Variants in RBFOX1 observed in about 807,000 individuals in gnomAD.
RBFOX1 encodes the protein RNA binding fox-1 homolog 1.
A neutral mutation model predicts 57.7 loss-of-function variants in RBFOX1; 8 were observed. The observed-to-expected ratio is 0.14, with a 90% CI of 0.08 to 0.25. The LOEUF is 0.25. Among genes scored for constraint, RBFOX1 ranks in the 10% least tolerant of loss-of-function variants. The pLI is 1.00. For synonymous variants in RBFOX1, 326 were observed against 222.4 expected, an observed-to-expected ratio of 1.47 and a Z score of -4.15; for missense variants, 611 against 548.5, an observed-to-expected ratio of 1.11 and a Z score of -1.14.
At chr16:6,236,742 C>G (rs776706970) in intron 1 of RBFOX1, among the ~76,000 whole-genome samples, 1 of 152,106 alleles carries the variant, frequency 6.6e-6, no homozygotes, top group Admixed American at 6.6e-5. Context: ...TGAGCCACCA[C>G]GTCTGGCCTT....
At chr16:5,582,333 C>A (rs532360716) in intron 2 of RBFOX1, among the ~76,000 whole-genome samples, 2 of 152,224 alleles carry the variant, frequency 1.3e-5, no homozygotes, top group African/African-American at 4.8e-5. Context: ...AAGTTGGGCT[C>A]ACCTTCCACA....
intron 1 of RBFOX1, among the ~76,000 whole-genome samples, chr16:6,236,260 C>G (rs780503609): frequency 6.6e-6 from 1 of 152,136 alleles, no homozygotes; most frequent in Non-Finnish European, 1.5e-5. Flanking sequence ...GGCACCACCA[C>G]CTTGACCTTG....
At chr16:6,104,673 G>T (rs2096356817) in intron 1 of RBFOX1, among the ~76,000 whole-genome samples, 1 of 152,164 alleles carries the variant, frequency 6.6e-6, no homozygotes, top group Admixed American at 6.5e-5. Context: ...TCCATCAACT[G>T]GTGAGTCAAC....
At chr16:6,350,066 A>G (rs1197703156) in intron 2 of RBFOX1, among the ~76,000 whole-genome samples, 1 of 152,168 alleles carries the variant, frequency 6.6e-6, no homozygotes, top group East Asian at 1.9e-4. Flanking sequence ...AAATTTCAAA[A>G]AGTCCTAGGT....
chr16:7,041,817 C>G (rs888674788), intron 3 of RBFOX1, among the ~76,000 whole-genome samples: 1 of 152,148 alleles, frequency 6.6e-6, no homozygotes, highest in Non-Finnish European at 1.5e-5. Context: ...ATACCAATTG[C>G]TGGTATTTGC....
chr16:6,289,613 T>A (rs2077254434), intron 1 of RBFOX1, among the ~76,000 whole-genome samples: 1 of 152,268 alleles, frequency 6.6e-6, no homozygotes, highest in East Asian at 1.9e-4. Context: ...CTGTCCAATA[T>A]CTGTTTAATC....
intron 4 of RBFOX1, among the ~76,000 whole-genome samples, chr16:7,139,684 T>C (rs373781747): frequency 6.6e-6 from 1 of 152,168 alleles, no homozygotes; most frequent in Admixed American, 6.5e-5. Flanking sequence ...AGGAGAATGT[T>C]TCAAGAATGT....
intron 1 of RBFOX1, among the ~76,000 whole-genome samples, chr16:5,390,940 T>G (rs956589327): frequency 1.3e-5 from 2 of 152,122 alleles, no homozygotes; most frequent in African/African-American, 4.8e-5. Context: ...AGTGGTGCGT[T>G]TGGGGGCCTT....
intron 3 of RBFOX1, among the ~76,000 whole-genome samples, chr16:6,897,155 A>G (rs2067140458): frequency 6.6e-6 from 1 of 152,202 alleles, no homozygotes; most frequent in Admixed American, 6.5e-5. Flanking sequence ...GCCCAAGCTG[A>G]CACAGCGGCT....
rs530154939 is a variant in RBFOX1, at chr16:6,842,241, G to A, written c.-16+187591G>A. On this transcript the variant is annotated intron_variant, in intron 3 of 15. Transcript: ENST00000550418. ...GTAGTCTCAGCTGAATAATACCTCT[G>A]ACATGGTATCATTCTGTGGCATATA... Among the ~76,000 whole-genome samples the A allele has an allele frequency of 4.7e-4, 72 of 152,184 alleles. No individual in the cohort carries two copies. The South Asian group carries it at 0.014, about 30-fold the overall frequency.
At chr16:7,416,165 C>A (rs1442070669) in intron 4 of RBFOX1, among the ~76,000 whole-genome samples, 2 of 152,138 alleles carry the variant, frequency 1.3e-5, no homozygotes, top group Non-Finnish European at 2.9e-5. Flanking sequence ...GAGCTCCATT[C>A]AGCAGTTTGT....
chr16:6,248,192 G>A (rs564144090), intron 1 of RBFOX1, among the ~76,000 whole-genome samples: 34 of 152,218 alleles, frequency 2.2e-4, no homozygotes, highest in Non-Finnish European at 2.9e-4. Flanking sequence ...AAAGGAAATA[G>A]AATAGGTTAT....
intron 3 of RBFOX1, among the ~76,000 whole-genome samples, chr16:6,937,202 C>G (rs1400634759): frequency 2.6e-5 from 4 of 151,948 alleles, no homozygotes; most frequent in Admixed American, 6.6e-5. Flanking sequence ...TCAACTATGT[C>G]TGTAAGAAAT....
intron 3 of RBFOX1, among the ~76,000 whole-genome samples, chr16:7,008,663 CCCTCCCTCCCTTCCT>C (rs1596806817): frequency 0.012 from 141 of 12,054 alleles, 1 homozygote; most frequent in South Asian, 0.02. Context: ...CTCCCTTCCT[CCCTCCCTCCCTTCCT>C]CCTCCCTTCC....
At chr16:6,689,462 T>C (rs2154131059) in intron 3 of RBFOX1, among the ~76,000 whole-genome samples, 1 of 152,348 alleles carries the variant, frequency 6.6e-6, no homozygotes, top group South Asian at 2.1e-4. Context: ...TCATGTGTTT[T>C]AAATACTCAT....
chr16:7,631,959 G>T (rs142140180), intron 11 of RBFOX1, among the ~76,000 whole-genome samples: 64 of 152,276 alleles, frequency 4.2e-4, no homozygotes, highest in African/African-American at 1.4e-3. Flanking sequence ...ACCCAGGCTG[G>T]AGTGCAGTGG....
At chr16:7,073,144 C>G (rs2057661739) in intron 4 of RBFOX1, among the ~76,000 whole-genome samples, 1 of 152,152 alleles carries the variant, frequency 6.6e-6, no homozygotes, top group Admixed American at 6.5e-5. Context: ...CAAGGGTCAG[C>G]AAATTATGCT....
At chr16:6,606,641 A>G (rs986122649) in intron 2 of RBFOX1, among the ~76,000 whole-genome samples, 1 of 152,114 alleles carries the variant, frequency 6.6e-6, no homozygotes, top group African/African-American at 2.4e-5. Flanking sequence ...TTAGTTTGCT[A>G]AGGATAATGG....
chr16:6,662,244 T>G (rs2098706261), intron 3 of RBFOX1, among the ~76,000 whole-genome samples: 1 of 152,170 alleles, frequency 6.6e-6, no homozygotes, highest in Admixed American at 6.5e-5. Flanking sequence ...TAATGTGTTT[T>G]AGACTTGAAA....
Sources: allele counts gnomAD v4.1 joint callset (sites outside exome capture counted in the v4.1 genomes callset), GRCh38; gene constraint gnomAD v4.1.1; transcripts MANE v1.5; gene names NCBI Gene and HGNC (gene_info 2026-07-23, HGNC 2026-07-21).